Variants in PHLDB3 observed in about 807,000 individuals in gnomAD.
PHLDB3 encodes pleckstrin homology-like domain family B member 3.
Under a neutral mutation model 85.7 loss-of-function variants are expected in PHLDB3, and 86 were observed. The ratio of observed to expected loss-of-function variants is 1.00; its 90% CI spans 0.84 to 1.20. PHLDB3 has a LOEUF of 1.20. Ranked by LOEUF, PHLDB3 falls within the 50% of genes most tolerant of loss-of-function variation. The pLI is 0.00. For missense variants in PHLDB3, 995 were observed against 873.0 expected (o/e 1.14, Z -1.76); for synonymous variants, 376 against 349.8 (o/e 1.07, Z -0.83).
Position 43,475,318 on chromosome 19 carries a change from A to G in PHLDB3, c.*92T>C, listed in dbSNP as rs1555752239. 2.0e-6 allele frequency: 3 copies of G among 1,509,256 alleles called. No homozygotes were observed. The highest frequency in any genetic ancestry group is 2.7e-6 in the Non-Finnish European group (3 of 1,117,620). 93.5% of individuals were successfully genotyped at this position (1,509,256 alleles called of 1,614,324 possible). A position where few individuals can be genotyped will look rare whatever the true frequency, so the allele number is the denominator to read the frequency against. On this transcript the variant is annotated 3_prime_UTR_variant, in exon 16 of 16. Coordinates refer to ENST00000292140, the MANE Select transcript of PHLDB3 (RefSeq NM_198850.4). The stretch of plus-strand genomic sequence containing the variant: ...GGAGAGTTCCAAAGCGGTGCGTCCA[A>G]GTTTTCCGGCAGTGGGCGGGGCCTA...
chr19:43,490,229 T>G (rs888077560), intron 9 of PHLDB3, among the ~76,000 whole-genome samples: 2 of 151,670 alleles, frequency 1.3e-5, no homozygotes, highest in African/African-American at 4.8e-5. Flanking sequence ...AGGTAGTAAA[T>G]TTAGGAATAT....
At chr19:43,493,179 TGAGGCTGGAGAATCGCTTGAACCCAG>T (rs1366556081) in intron 9 of PHLDB3, among the ~76,000 whole-genome samples, 1 of 151,918 alleles carries the variant, frequency 6.6e-6, no homozygotes, top group Non-Finnish European at 1.5e-5. Context: ...CTCAGGAGGC[TGAGGCTGGAGAATCGCTTGAACCCAG>T]GAGGCGGAGG....
intron 15 of PHLDB3, among the ~76,000 whole-genome samples, chr19:43,476,187 T>C (rs1040852645): frequency 2.0e-5 from 3 of 152,142 alleles, no homozygotes. Flanking sequence ...CTCCCCAAAA[T>C]CTAGGTCCCC....
chr19:43,480,874 G>A (rs968080664), intron 13 of PHLDB3, among the ~76,000 whole-genome samples: 4 of 152,044 alleles, frequency 2.6e-5, no homozygotes, highest in Non-Finnish European at 5.9e-5. Context: ...AGGATTTAAG[G>A]CAATACAAGT....
chr19:43,500,715 C>T (rs977909933), intron 4 of PHLDB3, among the ~76,000 whole-genome samples: 2 of 152,326 alleles, frequency 1.3e-5, no homozygotes, highest in South Asian at 2.1e-4. Context: ...CAGCTCACTG[C>T]AGCCTCTACC....
chr19:43,475,305 A>G lies in PHLDB3; in HGVS notation c.*105T>C, dbSNP rs2122437195. 2 of 1,448,592 alleles carry G rather than the reference A, an allele frequency of 1.4e-6. No homozygotes were observed. The highest frequency in any genetic ancestry group is 2.2e-5 in the Admixed American group (1 of 44,818). 89.7% of individuals were successfully genotyped at this position (1,448,592 alleles called of 1,614,324 possible). On this transcript the variant is annotated 3_prime_UTR_variant, in exon 16 of 16. Coordinates refer to ENST00000292140, the MANE Select transcript of PHLDB3 (RefSeq NM_198850.4). The stretch of plus-strand genomic sequence containing the variant: ...TGCGGAATTCCCGGGAGAGTTCCAA[A>G]GCGGTGCGTCCAAGTTTTCCGGCAG...
chr19:43,497,161 T>C lies in PHLDB3; in HGVS notation c.782A>G (p.Asp261Gly). Residue 261 changes from aspartate to glycine, a missense_variant, in exon 6 of 16, where the codon GAC becomes GGC. Physicochemically the swap from Asp to Gly is moderately conservative, Grantham distance 94. Coordinates refer to ENST00000292140, the MANE Select transcript of PHLDB3 (RefSeq NM_198850.4). ...GGCCTGGAGTTCCTGGACCTTGGGGTCTGGCACCTGGGGCCCAGGGCTGTC... is the reference window on the plus strand; with the variant it reads ...GGCCTGGAGTTCCTGGACCTTGGGGCCTGGCACCTGGGGCCCAGGGCTGTC... ...DRDSPGPQVPDPKVQELQASM... is the reference protein window; with the variant it reads ...DRDSPGPQVPGPKVQELQASM... 6.4e-7 allele frequency: 1 copy of C among 1,554,960 alleles called. No homozygotes were observed. The highest frequency in any genetic ancestry group is 8.7e-7 in the Non-Finnish European group (1 of 1,153,026).
At chr19:43,500,480 G>A (rs888636312) in intron 4 of PHLDB3, among the ~76,000 whole-genome samples, 1 of 152,066 alleles carries the variant, frequency 6.6e-6, no homozygotes, top group African/African-American at 2.4e-5. Flanking sequence ...AAGACACAGC[G>A]GGTAGGAACC....
In PHLDB3 at chr19:43,486,675, G is replaced by A. The variant is rs371123943; in HGVS notation, c.1362C>T (p.Asp454=). The A allele has an allele frequency of 5.0e-6, 8 of 1,613,866 alleles. No individual in the cohort carries two copies. The Admixed American group carries it at 6.7e-5, about 13-fold the overall frequency. Residue 454 remains aspartate (D), a synonymous_variant, in exon 12 of 16, where the codon GAC becomes GAT. Coordinates refer to ENST00000292140, the MANE Select transcript of PHLDB3 (RefSeq NM_198850.4). ...RGNSCGAIHP[D]IAHMERLLQQ... is the part of the protein sequence containing the mutation. The stretch of plus-strand genomic sequence containing the variant: ...GCAGGAGCCGCTCCATGTGGGCAAT[G>A]TCTGGATGGATGGCCCCACAGCTAG...
At chr19:43,477,811 A>C (rs948755170) in intron 15 of PHLDB3, among the ~76,000 whole-genome samples, 1 of 151,972 alleles carries the variant, frequency 6.6e-6, no homozygotes, top group South Asian at 2.1e-4. Context: ...CTGTCTTAAA[A>C]AAAAAAAAAA....
chr19:43,497,949 G>T, intron 4 of PHLDB3, 73 bp from the exon 5 acceptor site: 1 of 1,531,588 alleles, frequency 6.5e-7, no homozygotes, highest in Non-Finnish European at 8.8e-7. Context: ...ATATCTCAGA[G>T]CCTGCCTGGG....
Position 43,503,901 on chromosome 19 carries a change from C to G in PHLDB3, c.213+5G>C. Reference sequence around the variant, plus strand: ...CCCCCGCGCTGTCGCCCTCGGGCCCCTCACCGCGTCGCGGCTGCTCTCAGT... The same window carrying G: ...CCCCCGCGCTGTCGCCCTCGGGCCCGTCACCGCGTCGCGGCTGCTCTCAGT... On this transcript the variant is annotated splice_donor_5th_base_variant and intron_variant, in intron 2 of 15. Transcript: ENST00000292140. 4 of 1,613,810 alleles carry G rather than the reference C, an allele frequency of 2.5e-6. No homozygotes were observed. Among genetic ancestry groups the G allele is most frequent in the Non-Finnish European group, 3.4e-6 (4 of 1,179,804 alleles).
At chr19:43,475,678 G>C (rs972129848) in intron 15 of PHLDB3, 134 bp from the exon 16 acceptor site, 22 of 1,165,658 alleles carry the variant, frequency 1.9e-5, no homozygotes, top group East Asian at 2.6e-5. Context: ...CAGTTTCCCT[G>C]TCTTCCCAAA....
In PHLDB3 at chr19:43,501,751, G is replaced by A. The variant is rs148749895; in HGVS notation, c.517C>T (p.Arg173Cys). Reference protein sequence around the residue: ...EQQAASEQRGRQQREQEQRRL... With the variant: ...EQQAASEQRGCQQREQEQRRL... ...AAACAGACCTGTTCCCGCTGCTGGCGGCCGCGCTGCTCCGAGGCCGCCTGC... is the reference window on the plus strand; with the variant it reads ...AAACAGACCTGTTCCCGCTGCTGGCAGCCGCGCTGCTCCGAGGCCGCCTGC... The change falls in exon 4 of 16, where the codon CGC becomes TGC. Residue 173 changes from arginine to cysteine, a missense_variant. Coordinates refer to ENST00000292140, the MANE Select transcript of PHLDB3 (RefSeq NM_198850.4). 109 of 1,584,172 alleles carry A rather than the reference G, an allele frequency of 6.9e-5. No homozygotes were observed. In the African/African-American group the frequency reaches 1.4e-3, roughly 20 times the overall value.
At chr19:43,481,532 C>T (rs186129777) in intron 13 of PHLDB3, among the ~76,000 whole-genome samples, 4 of 152,162 alleles carry the variant, frequency 2.6e-5, no homozygotes, top group Admixed American at 2.0e-4. Context: ...GCAGGAGAAT[C>T]GCTTGAACTC....
intron 2 of PHLDB3, among the ~76,000 whole-genome samples, chr19:43,503,280 G>GTGTCTCTCTC (rs757590339): frequency 4.2e-5 from 6 of 141,890 alleles, no homozygotes; most frequent in African/African-American, 1.3e-4. Flanking sequence ...TGTCTATCTG[G>GTGTCTCTCTC]TCTCTCTCTC....
In PHLDB3 at chr19:43,504,020, C is replaced by T; in HGVS notation, c.99G>A (p.Arg33=). 1 of 1,613,936 alleles carries T rather than the reference C, an allele frequency of 6.2e-7. No homozygotes were observed. The highest frequency in any genetic ancestry group is 1.1e-5 in the South Asian group (1 of 91,084). Residue 33 remains arginine (R), a synonymous_variant, in exon 2 of 16, where the codon CGG becomes CGA. Coordinates refer to ENST00000292140, the MANE Select transcript of PHLDB3 (RefSeq NM_198850.4). ...VQPQGHPEES[R]EQEASEVLAE... Reference sequence around the variant, plus strand: ...CCAGGACTTCGGATGCCTCCTGTTCCCGGGACTCCTCGGGATGGCCCTGGG... The same window carrying T: ...CCAGGACTTCGGATGCCTCCTGTTCTCGGGACTCCTCGGGATGGCCCTGGG...
chr19:43,498,352 GAGAAAAGAC>G, intron 4 of PHLDB3, among the ~76,000 whole-genome samples: 1 of 151,388 alleles, frequency 6.6e-6, no homozygotes, highest in African/African-American at 2.4e-5. Context: ...GGAAGGAAAG[GAGAAAAGAC>G]AGAAAAGAAA....
intron 4 of PHLDB3, among the ~76,000 whole-genome samples, chr19:43,499,095 G>T (rs1392285092): frequency 6.6e-6 from 1 of 152,122 alleles, no homozygotes; most frequent in Non-Finnish European, 1.5e-5. Context: ...TGCCTCGGGA[G>T]TCCTCCAAGC....
Sources: allele counts gnomAD v4.1 joint callset (sites outside exome capture counted in the v4.1 genomes callset), GRCh38; gene constraint gnomAD v4.1.1; transcripts MANE v1.5; gene names NCBI Gene and HGNC (gene_info 2026-07-23, HGNC 2026-07-21).